Variants in CCDC74B observed in about 807,000 individuals in gnomAD.
CCDC74B encodes coiled-coil domain containing 74B, also known as coiled-coil domain-containing protein 74B.
In CCDC74B, 34 loss-of-function variants were observed where a neutral mutation model predicts 38.0. The observed-to-expected ratio is 0.89, with a 90% confidence interval of 0.68 to 1.19. The LOEUF is 1.19. Among genes scored for constraint, CCDC74B ranks in the 50% most tolerant of loss-of-function variants. The pLI is 0.00. For synonymous variants in CCDC74B, 132 were observed against 170.4 expected, an observed-to-expected ratio of 0.77 and a Z score of 1.76; for missense variants, 358 against 406.0, an observed-to-expected ratio of 0.88 and a Z score of 1.02.
At position 130,140,082 on chromosome 2, in the gene CCDC74B, C is replaced by G; in HGVS notation, c.693G>C (p.Lys231Asn). 6.2e-7 allele frequency: 1 copy of G among 1,612,840 alleles called. No individual in the cohort carries two copies. The highest frequency in any genetic ancestry group is 8.5e-7 in the Non-Finnish European group (1 of 1,179,726). Reference sequence around the variant, plus strand: ...GCCTCTGGCTCCCTTCCAGGAGGGACTTGAGGTGCTGCAGCTGAAAGGCAG... The same window carrying G: ...GCCTCTGGCTCCCTTCCAGGAGGGAGTTGAGGTGCTGCAGCTGAAAGGCAG... Reference protein sequence around the residue: ...LLQTQELQHLKSLLEGSQRPQ... With the variant: ...LLQTQELQHLNSLLEGSQRPQ... The change falls in exon 6 of 8, where the codon AAG becomes AAC. Residue 231 changes from lysine (K) to asparagine (N), a missense_variant. By Grantham distance (94) the Lys-to-Asn change is moderately conservative. This residue lies in a region of CCDC74B where 213 missense variants were observed against 212.3 expected (regional missense o/e 1.00). Coordinates refer to ENST00000409943, the MANE Select transcript of CCDC74B (RefSeq NM_001258307.2).
At chr2:130,143,568 G>A (rs11679959) in intron 1 of CCDC74B, among the ~76,000 whole-genome samples, 52,316 of 152,052 alleles carry the variant, frequency 0.34, 9,399 homozygotes, top group East Asian at 0.46. Flanking sequence ...ACTGGAGGGC[G>A]TCCACACTGC....
At chr2:130,144,698 G>A (rs2104769835) in intron 1 of CCDC74B, 49 bp downstream of exon 1, 2 of 1,601,764 alleles carry the variant, frequency 1.2e-6, no homozygotes, top group African/African-American at 1.3e-5. Context: ...CGGCAGTGTT[G>A]AGTGTGCCTG....
chr2:130,144,396 C>T (rs1685895620), intron 1 of CCDC74B: 3 of 1,125,046 alleles, frequency 2.7e-6, no homozygotes, highest in South Asian at 1.3e-5. Context: ...GTCTCGGTCT[C>T]CCAAAGTGCT....
intron 1 of CCDC74B, 147 bp downstream of exon 1, chr2:130,144,600 A>T (rs1237077902): frequency 9.7e-6 from 15 of 1,546,664 alleles, no homozygotes; most frequent in Non-Finnish European, 1.3e-5. Context: ...GGGACAGCTC[A>T]GCGTGGCAGG....
intron 1 of CCDC74B, among the ~76,000 whole-genome samples, chr2:130,143,541 C>T (rs535996851): frequency 6.6e-6 from 1 of 152,350 alleles, no homozygotes; most frequent in African/African-American, 2.4e-5. Flanking sequence ...GCATATCAGC[C>T]TCATCCATCT....
intron 3 of CCDC74B, chr2:130,141,887 G>T (rs1322165751): frequency 1.2e-6 from 1 of 862,304 alleles, no homozygotes; most frequent in East Asian, 2.8e-5. Flanking sequence ...CCTGCTTGCT[G>T]CCCCACCCTG....
At chr2:130,144,418 C>A in intron 1 of CCDC74B, 3 of 1,092,142 alleles carry the variant, frequency 2.7e-6, no homozygotes, top group Non-Finnish European at 4.1e-6. Context: ...GAATTACAGG[C>A]GTGAGCCGCC....
At position 130,140,229 on chromosome 2, in the gene CCDC74B, C is replaced by G; in HGVS notation, c.628G>C (p.Glu210Gln). 3.1e-6 allele frequency: 5 copies of G among 1,613,448 alleles called. No homozygotes were observed. Among genetic ancestry groups the G allele is most frequent in the Non-Finnish European group, 3.4e-6 (4 of 1,179,754 alleles). ...TTCCACAGCTCGCGGATGAGCACTTCGCACTGCCTAAGTGTGGTGGGCTTT... is the reference window on the plus strand; with the variant it reads ...TTCCACAGCTCGCGGATGAGCACTTGGCACTGCCTAAGTGTGGTGGGCTTT... ...LRKPTTLRQC[E>Q]VLIRELWNTN... Residue 210 changes from glutamate to glutamine, a missense_variant, in exon 5 of 8, where the codon GAA (glutamate) becomes CAA (glutamine). Physicochemically the swap from Glu to Gln is conservative, Grantham distance 29. This residue lies in a region of CCDC74B where 213 missense variants were observed against 212.3 expected (regional missense o/e 1.00). Transcript: ENST00000409943.
At chr2:130,142,660 G>A in intron 2 of CCDC74B, 1 of 1,543,026 alleles carries the variant, frequency 6.5e-7, no homozygotes, top group Non-Finnish European at 8.7e-7. Context: ...ATGTCCTCCT[G>A]ATGTCAGCCC....
intron 2 of CCDC74B, chr2:130,142,503 CTT>C: frequency 1.9e-6 from 3 of 1,560,364 alleles, no homozygotes; most frequent in South Asian, 2.4e-5. Flanking sequence ...TTGGGCCACA[CTT>C]TGCCCAGAAC....
At chr2:130,143,455 C>G (rs1365488744) in intron 1 of CCDC74B, 142 bp from the exon 2 acceptor site, 5 of 1,110,616 alleles carry the variant, frequency 4.5e-6, no homozygotes, top group Non-Finnish European at 6.8e-6. Flanking sequence ...CCATGGATCC[C>G]GCTCTCCACC....
intron 1 of CCDC74B, 131 bp from the exon 2 acceptor site, chr2:130,143,444 C>G (rs1220153244): frequency 1.7e-6 from 2 of 1,168,644 alleles, no homozygotes; most frequent in Non-Finnish European, 2.6e-6. Flanking sequence ...TGGGCCCTGC[C>G]CCATGGATCC....
At chr2:130,143,860 G>C (rs1573640984) in intron 1 of CCDC74B, among the ~76,000 whole-genome samples, 1 of 151,406 alleles carries the variant, frequency 6.6e-6, no homozygotes, top group Non-Finnish European at 1.5e-5. Context: ...AAGCAAGAGC[G>C]AGGAGCGGAG....
intron 1 of CCDC74B, 102 bp from the exon 2 acceptor site, chr2:130,143,415 T>G (rs1685800533): frequency 6.7e-7 from 1 of 1,487,902 alleles, no homozygotes; most frequent in South Asian, 1.1e-5. Flanking sequence ...CCGAAAGTCC[T>G]GCCCCCCCAC....
chr2:130,139,739 G>A (rs1208349789), intron 7 of CCDC74B, 49 bp from the exon 8 acceptor site: 3 of 1,610,586 alleles, frequency 1.9e-6, no homozygotes, highest in Non-Finnish European at 2.5e-6. Context: ...CGCGAGTGGA[G>A]TGTGTGGGGA....
chr2:130,139,829 A>T (rs574988095), intron 7 of CCDC74B, 62 bp downstream of exon 7: 1 of 1,609,670 alleles, frequency 6.2e-7, no homozygotes, highest in East Asian at 2.2e-5. Flanking sequence ...TCCCTTCCCC[A>T]CTCCCTCCCT....
chr2:130,141,839 C>T (rs1413845736), intron 3 of CCDC74B: 9 of 593,542 alleles, frequency 1.5e-5, no homozygotes, highest in East Asian at 9.6e-5. Context: ...AGCCAGGGTA[C>T]GTCCTCCCTA....
intron 7 of CCDC74B, 65 bp from the exon 8 acceptor site, chr2:130,139,755 G>A (rs532862631): frequency 2.0e-4 from 326 of 1,607,634 alleles, no homozygotes; most frequent in Middle Eastern, 5.7e-4. Context: ...GGGGAGTGCG[G>A]CCTGCATGGC....
chr2:130,140,144 C>A (rs1201460293), intron 5 of CCDC74B, 35 bp downstream of exon 5: 4 of 1,611,678 alleles, frequency 2.5e-6, no homozygotes, highest in Middle Eastern at 3.6e-4. Context: ...CGGTGCCAGA[C>A]TGCCCAGGGC....
Sources: gnomAD v4.1 joint callset for allele counts (sites outside exome capture counted in the v4.1 genomes callset) on GRCh38, gnomAD v4.1.1 for gene constraint, gnomAD v4.1.1 regional missense constraint, MANE v1.5 for transcripts, NCBI Gene and HGNC (gene_info 2026-07-23, HGNC 2026-07-21) for gene names.